KLHL13: variants seen among roughly 807,000 people sequenced by gnomAD.
KLHL13 encodes the protein kelch-like protein 13.
KLHL13 carries 10 observed loss-of-function variants against 37.1 expected under a neutral mutation model. The ratio of observed to expected loss-of-function variants is 0.27; its 90% CI spans 0.17 to 0.46. The LOEUF (loss-of-function observed/expected upper bound fraction) is 0.46. Among genes scored for constraint, KLHL13 ranks in the 20% least tolerant of loss-of-function variants. KLHL13 has a pLI of 1.00. For synonymous variants in KLHL13, 163 were observed against 181.2 expected (o/e 0.90, Z 0.81); for missense variants, 360 against 509.3 (o/e 0.71, Z 2.82).
intron 1 of KLHL13, among the ~76,000 whole-genome samples, chrX:118,054,960 G>C (rs1486474330): frequency 1.6e-4 from 4 of 24,890 alleles, no homozygotes; most frequent in Non-Finnish European, 5.3e-4. Context: ...TTTCAAATAT[G>C]GTAAAAAAAA....
intron 1 of KLHL13, among the ~76,000 whole-genome samples, chrX:117,965,959 AC>A (rs2053420236): frequency 9.1e-6 from 1 of 110,178 alleles, no homozygotes; most frequent in South Asian, 3.8e-4. Context: ...TACTGAATGA[AC>A]AAAAACTGGA....
chrX:117,926,974 C>T (rs966633250), intron 2 of KLHL13, among the ~76,000 whole-genome samples: 2 of 92,042 alleles, frequency 2.2e-5, no homozygotes, highest in Admixed American at 2.7e-4. Context: ...GGCGCAATCT[C>T]GGCTCACTGC....
chrX:117,982,676 G>A (rs1014817207), intron 1 of KLHL13, among the ~76,000 whole-genome samples: 1 of 112,142 alleles, frequency 8.9e-6, no homozygotes, highest in African/African-American at 3.2e-5. Flanking sequence ...TCTGAAGGTG[G>A]GGCCCAGTAC....
intron 5 of KLHL13, among the ~76,000 whole-genome samples, chrX:117,906,768 T>C (rs1279498797): frequency 9.0e-6 from 1 of 111,720 alleles, no homozygotes; most frequent in Non-Finnish European, 1.9e-5. Context: ...TAGCTACTTA[T>C]AGGTTACAAA....
intron 4 of KLHL13, among the ~76,000 whole-genome samples, chrX:117,911,006 C>T (rs1419953942): frequency 1.8e-5 from 2 of 111,725 alleles, no homozygotes; most frequent in Non-Finnish European, 3.8e-5. Context: ...ATAACTGACT[C>T]ATCAAAGGAA....
At chrX:118,047,696 CAT>C (rs1456479292) in intron 1 of KLHL13, among the ~76,000 whole-genome samples, 1 of 112,029 alleles carries the variant, frequency 8.9e-6, no homozygotes, top group Admixed American at 9.4e-5. Flanking sequence ...AATTCACACA[CAT>C]GTGCATGCAC....
intron 1 of KLHL13, among the ~76,000 whole-genome samples, chrX:117,953,305 A>AC (rs1201264982): frequency 9.0e-6 from 1 of 110,705 alleles, no homozygotes; most frequent in Non-Finnish European, 1.9e-5. Context: ...TATCGCAAGG[A>AC]AAAAAACCAA....
intron 1 of KLHL13, among the ~76,000 whole-genome samples, chrX:117,979,576 G>A (rs1451393190): frequency 9.0e-6 from 1 of 111,526 alleles, no homozygotes; most frequent in African/African-American, 3.3e-5. Flanking sequence ...AAACAGAGGA[G>A]TGAAAATCAG....
rs780225633 is a variant in KLHL13, at chrX:117,919,735, T to A, written c.374-18A>T. 1.8e-6 allele frequency: 2 copies of A among 1,117,573 alleles called. No individual in the cohort carries two copies. Among genetic ancestry groups the A allele is most frequent in the Non-Finnish European group, 2.4e-6 (2 of 817,855 alleles). 92.1% of individuals were successfully genotyped at this position (1,117,573 alleles called of 1,213,427 possible). On this transcript the variant is annotated intron_variant, in intron 3 of 6. Transcript: ENST00000262820. ...CATTCCACCTTAAATAAAAAGACAT[T>A]CAATTAAATGAAGGTGGATAATTAT...
chrX:118,022,097 A>G (rs771659080), intron 1 of KLHL13, among the ~76,000 whole-genome samples: 36 of 111,640 alleles, frequency 3.2e-4, no homozygotes, highest in African/African-American at 1.2e-3. Context: ...TTTCTTGCAA[A>G]TTTGTTTAAG....
At chrX:118,106,026 C>G (rs1355055693) in intron 1 of KLHL13, among the ~76,000 whole-genome samples, 1 of 104,644 alleles carries the variant, frequency 9.6e-6, no homozygotes, top group Non-Finnish European at 2.0e-5. Flanking sequence ...CTCAGCCTCC[C>G]GAGTAGCTGG....
At chrX:118,093,961 G>C (rs1472491449) in intron 1 of KLHL13, among the ~76,000 whole-genome samples, 1 of 109,229 alleles carries the variant, frequency 9.2e-6, no homozygotes, top group Non-Finnish European at 1.9e-5. Context: ...ACAGAAGACG[G>C]GTAATTTCTG....
intron 2 of KLHL13, among the ~76,000 whole-genome samples, chrX:117,936,335 T>A (rs140580321): frequency 2.0e-3 from 226 of 111,725 alleles, no homozygotes; most frequent in African/African-American, 6.9e-3. Flanking sequence ...CTGTTAGGTA[T>A]CAAATGACTT....
chrX:118,029,567 A>G (rs989032868), intron 1 of KLHL13, among the ~76,000 whole-genome samples: 8 of 112,283 alleles, frequency 7.1e-5, no homozygotes, highest in Admixed American at 2.8e-4. Context: ...TTCGTTTCAG[A>G]TATATTGGGA....
chrX:117,987,900 G>A (rs1322491419), intron 1 of KLHL13, among the ~76,000 whole-genome samples: 2 of 111,937 alleles, frequency 1.8e-5, no homozygotes, highest in Non-Finnish European at 3.8e-5. Context: ...AGAGGAGAAT[G>A]TGAGTTGGTG....
chrX:117,918,862 A>G (rs1354604497), intron 4 of KLHL13, among the ~76,000 whole-genome samples: 2 of 112,337 alleles, frequency 1.8e-5, no homozygotes, highest in African/African-American at 6.5e-5. Flanking sequence ...AAAGAGTTCT[A>G]GAAGCTCAGA....
chrX:118,020,439 A>ATG (rs1569293530), intron 1 of KLHL13, among the ~76,000 whole-genome samples: 5,636 of 110,941 alleles, frequency 0.051, 388 homozygotes, highest in African/African-American at 0.17. Context: ...AAACCACAGT[A>ATG]AGATACCATC....
intron 1 of KLHL13, among the ~76,000 whole-genome samples, chrX:118,055,022 T>C (rs2054670041): frequency 9.0e-6 from 1 of 110,660 alleles, no homozygotes; most frequent in Admixed American, 9.6e-5. Flanking sequence ...GTATTTCAGA[T>C]ACAAATCTTT....
chrX:117,974,125 C>T (rs958841502), upstream of KLHL13, among the ~76,000 whole-genome samples: 3 of 111,082 alleles, frequency 2.7e-5, no homozygotes, highest in African/African-American at 9.8e-5. Context: ...GTTTAAAGCA[C>T]CAAAACAAAC....
Sources: gnomAD v4.1 joint callset for allele counts (sites outside exome capture counted in the v4.1 genomes callset) on GRCh38, gnomAD v4.1.1 for gene constraint, MANE v1.5 for transcripts, NCBI Gene and HGNC (gene_info 2026-07-23, HGNC 2026-07-21) for gene names.